SFXN5: variants seen among roughly 807,000 people sequenced by gnomAD.
SFXN5 encodes sideroflexin 5.
Under a neutral mutation model 50.2 loss-of-function variants are expected in SFXN5, and 43 were observed. The observed-to-expected ratio is 0.86, with a 90% CI of 0.67 to 1.11. The LOEUF (loss-of-function observed/expected upper bound fraction) is 1.11. Among genes scored for constraint, SFXN5 ranks in the 50% least tolerant of loss-of-function variants. The pLI is 0.00. For missense variants in SFXN5, 463 were observed against 454.1 expected (o/e 1.02, Z -0.18); for synonymous variants, 203 against 185.8 (o/e 1.09, Z -0.75).
intron 3 of SFXN5, 134 bp downstream of exon 3, chr2:73,040,720 A>G: frequency 3.2e-6 from 2 of 617,682 alleles, no homozygotes; most frequent in Non-Finnish European, 5.4e-6. Flanking sequence ...AAGAGCTTTT[A>G]GTCCACAGGG....
At chr2:72,980,512 A>G (rs1022815852) in intron 10 of SFXN5, among the ~76,000 whole-genome samples, 1 of 152,176 alleles carries the variant, frequency 6.6e-6, no homozygotes, top group African/African-American at 2.4e-5. Flanking sequence ...AGTAAGCAGC[A>G]CAAATTTTCT....
chr2:73,022,734 T>C (rs1677061949), intron 4 of SFXN5, among the ~76,000 whole-genome samples, 158 bp from the exon 5 acceptor site: 1 of 152,098 alleles, frequency 6.6e-6, no homozygotes, highest in South Asian at 2.1e-4. Context: ...TGGCTGTATG[T>C]TGCCTTGTGG....
At chr2:73,030,289 T>C (rs1179541026) in intron 3 of SFXN5, among the ~76,000 whole-genome samples, 1 of 152,172 alleles carries the variant, frequency 6.6e-6, no homozygotes, top group Non-Finnish European at 1.5e-5. Flanking sequence ...TGGAGATCTT[T>C]CCATATCAGT....
rs149206069 is a variant in SFXN5, at chr2:72,968,517, G to A, written c.758C>T (p.Ala253Val). The stretch of plus-strand genomic sequence containing the variant: ...CATGGGCAGGACCACTCGCGTCAGC[G>A]CCGTCTCCAGCAGGGCCTGAGGGGC... ...IAARHALLET[A>V]LTRVVLPMPI... Residue 253 changes from alanine (A) to valine (V), a missense_variant, in exon 12 of 14, where the codon GCG becomes GTG. Coordinates refer to ENST00000272433, the MANE Select transcript of SFXN5 (RefSeq NM_144579.3). 3.5e-3 allele frequency: 5,691 copies of A among 1,613,264 alleles called. 12 individuals carry two copies. Among genetic ancestry groups the A allele is most frequent in the Non-Finnish European group, 4.3e-3 (5,077 of 1,179,958 alleles).
At chr2:72,985,721 G>A (rs1194564515) in intron 10 of SFXN5, among the ~76,000 whole-genome samples, 3 of 152,172 alleles carry the variant, frequency 2.0e-5, no homozygotes, top group South Asian at 2.1e-4. Flanking sequence ...TATGCAACCC[G>A]TGAGGGATGT....
At chr2:72,952,804 G>T (rs1290212677) in intron 13 of SFXN5, among the ~76,000 whole-genome samples, 2 of 152,202 alleles carry the variant, frequency 1.3e-5, no homozygotes, top group Non-Finnish European at 2.9e-5. Flanking sequence ...TAGAAAACCT[G>T]CGTGATGCTG....
chr2:73,010,931 AAAAT>A (rs1252184819), intron 6 of SFXN5, among the ~76,000 whole-genome samples: 1 of 152,240 alleles, frequency 6.6e-6, no homozygotes, highest in East Asian at 1.9e-4. Flanking sequence ...CATTAGAAGG[AAAAT>A]AAATAAACTA....
chr2:72,949,232 T>A (rs1365087470), intron 13 of SFXN5, among the ~76,000 whole-genome samples: 1 of 152,184 alleles, frequency 6.6e-6, no homozygotes, highest in Non-Finnish European at 1.5e-5. Context: ...AGGCAGAATC[T>A]TGTAGGCTAC....
At chr2:73,040,975 G>T (rs762617214) in intron 2 of SFXN5, 44 bp from the exon 3 acceptor site, 4 of 1,572,050 alleles carry the variant, frequency 2.5e-6, no homozygotes, top group Non-Finnish European at 3.5e-6. Flanking sequence ...CAGATCCAGG[G>T]CTCCCGCAAA....
chr2:73,047,245 AATATATATATAT>A (rs1167103035), intron 2 of SFXN5, among the ~76,000 whole-genome samples: 5 of 18,922 alleles, frequency 2.6e-4, no homozygotes, highest in African/African-American at 7.9e-4. Context: ...AAAAAAAAAA[AATATATATATAT>A]ATATATATAT....
At chr2:73,021,804 A>T (rs1318900811) in intron 5 of SFXN5, among the ~76,000 whole-genome samples, 1 of 152,098 alleles carries the variant, frequency 6.6e-6, no homozygotes, top group Non-Finnish European at 1.5e-5. Flanking sequence ...GCGTCAGCAC[A>T]CCCATGAGTG....
rs1468001624 is a variant in SFXN5, at chr2:72,945,288, G to T, written c.946-189C>A. 1.3e-5 allele frequency among the ~76,000 whole-genome samples: 2 copies of T among 152,052 alleles called. No individual in the cohort carries two copies. Among genetic ancestry groups the T allele is most frequent in the African/African-American group, 2.4e-5 (1 of 41,384 alleles). Reference sequence around the variant, plus strand: ...TTCTCCACCGCCCTCCCGCCGCGGGGCTCACAGCATCCCTTCCAGCCCAGA... The same window carrying T: ...TTCTCCACCGCCCTCCCGCCGCGGGTCTCACAGCATCCCTTCCAGCCCAGA... On this transcript the variant is annotated intron_variant, in intron 13 of 13. Coordinates refer to ENST00000272433, the MANE Select transcript of SFXN5 (RefSeq NM_144579.3). This position sits in a 1 kb window ranked among gnomAD's most constrained non-coding sequence, Gnocchi z 5.8.
intron 1 of SFXN5, among the ~76,000 whole-genome samples, chr2:73,065,718 C>T (rs1683124698): frequency 6.7e-6 from 1 of 149,994 alleles, no homozygotes; most frequent in Non-Finnish European, 1.5e-5. Flanking sequence ...TCTTGAAGGG[C>T]TATTTTTTGT....
At chr2:72,996,729 T>C (rs2105654349) in intron 9 of SFXN5, 1 of 152,192 alleles carries the variant, frequency 6.6e-6, no homozygotes, top group South Asian at 2.1e-4. Flanking sequence ...GCTGAGAAGC[T>C]GATTCTTGTT....
chr2:73,004,058 G>A lies in SFXN5; in HGVS notation c.358-2480C>T, dbSNP rs1323786157. 2.6e-5 allele frequency among the ~76,000 whole-genome samples: 4 copies of A among 152,110 alleles called. No homozygotes were observed. In the East Asian group the frequency reaches 5.8e-4, roughly 22 times the overall value. On this transcript the variant is annotated intron_variant, in intron 6 of 13. Coordinates refer to ENST00000272433, the MANE Select transcript of SFXN5 (RefSeq NM_144579.3). ...AGATTACTTTTGATATTTTGCAAAC[G>A]GGACAACTGAGGCTTAGAGAAATTC...
At chr2:73,040,779 G>A in intron 3 of SFXN5, 75 bp downstream of exon 3, 17 of 1,227,692 alleles carry the variant, frequency 1.4e-5, no homozygotes, top group Non-Finnish European at 2.0e-5. Context: ...GGTTCTGGCT[G>A]CAGCGAAGGG....
At chr2:72,986,923 G>T (rs978065621) in intron 10 of SFXN5, among the ~76,000 whole-genome samples, 1 of 152,134 alleles carries the variant, frequency 6.6e-6, no homozygotes, top group African/African-American at 2.4e-5. Flanking sequence ...ATACCCAAAG[G>T]CTTGAAACCT....
chr2:73,057,173 C>G (rs1440432943), intron 2 of SFXN5, among the ~76,000 whole-genome samples: 1 of 152,072 alleles, frequency 6.6e-6, no homozygotes, highest in African/African-American at 2.4e-5. Context: ...GGGTCTCACT[C>G]TGTTACTCAG....
intron 10 of SFXN5, among the ~76,000 whole-genome samples, chr2:72,985,882 T>A (rs1190790553): frequency 1.3e-5 from 2 of 151,656 alleles, no homozygotes; most frequent in Non-Finnish European, 2.9e-5. Flanking sequence ...CCTGAAAGAG[T>A]CCCAGAGAGG....
Sources: gnomAD v4.1 joint callset for allele counts (sites outside exome capture counted in the v4.1 genomes callset) on GRCh38, gnomAD v4.1.1 for gene constraint, Gnocchi (gnomAD v3.1) non-coding constraint, MANE v1.5 for transcripts, NCBI Gene and HGNC (gene_info 2026-07-23, HGNC 2026-07-21) for gene names.